Variants in PECAM1 observed in about 807,000 individuals in gnomAD.
PECAM1 encodes the protein platelet and endothelial cell adhesion molecule 1, also known as platelet endothelial cell adhesion molecule.
In PECAM1, 8 loss-of-function variants were observed where a neutral mutation model predicts 13.8. The ratio of observed to expected loss-of-function variants is 0.58; its 90% CI spans 0.34 to 1.05. The LOEUF (loss-of-function observed/expected upper bound fraction) is 1.05. Ranked by LOEUF, PECAM1 falls within the 50% of genes least tolerant of loss-of-function variation. The probability of loss-of-function intolerance (pLI) is 0.03; values close to 1 mark genes in which losing one functional copy is unlikely to be tolerated. For synonymous variants in PECAM1, 136 were observed against 52.6 expected (o/e 2.58, Z -6.86); for missense variants, 304 against 141.2 (o/e 2.15, Z -5.84).
chr17:64,363,437 G>A, intron 5 of PECAM1, 40 bp from the exon 6 acceptor site: 1 of 474,720 alleles, frequency 2.1e-6, no homozygotes, highest in East Asian at 3.1e-5. Flanking sequence ...GATGTGTCTG[G>A]CCACCACCCT....
At chr17:64,324,040 C>T (rs902655406) in intron 15 of PECAM1, 195 bp from the exon 16 acceptor site, 61 of 851,584 alleles carry the variant, frequency 7.2e-5, no homozygotes, top group East Asian at 3.5e-4. Context: ...TACAGATACA[C>T]GTGGCCCCTC....
chr17:64,337,429 C>T (rs2035307762), intron 14 of PECAM1, among the ~76,000 whole-genome samples: 1 of 152,170 alleles, frequency 6.6e-6, no homozygotes, highest in South Asian at 2.1e-4. Context: ...ATTAAGTGCT[C>T]ACTCTGTGGC....
At chr17:64,336,278 A>AAAGAAAG (rs1555647685) in intron 14 of PECAM1, among the ~76,000 whole-genome samples, 5 of 149,158 alleles carry the variant, frequency 3.4e-5, no homozygotes, top group African/African-American at 1.3e-4. Flanking sequence ...AAAAAAAAAA[A>AAAGAAAG]AAAGAAAGAA....
At chr17:64,330,078 C>G (rs1555646418) in intron 14 of PECAM1, among the ~76,000 whole-genome samples, 1 of 151,990 alleles carries the variant, frequency 6.6e-6, no homozygotes, top group African/African-American at 2.4e-5. Flanking sequence ...TCAGCTGGCA[C>G]TATCTCGGCT....
At chr17:64,354,498 T>A (rs2035805107) in intron 9 of PECAM1, among the ~76,000 whole-genome samples, 2 of 152,202 alleles carry the variant, frequency 1.3e-5, no homozygotes, top group Non-Finnish European at 2.9e-5. Flanking sequence ...TCTGCCCTTT[T>A]CCTTGAGTCT....
rs2035436985 is a variant in PECAM1 at position 64,341,769 on chromosome 17, G to A, written c.2108-79C>T. On this transcript the variant is annotated intron_variant, in intron 13 of 15. Coordinates refer to ENST00000563924, the MANE Select transcript of PECAM1 (RefSeq NM_000442.5). ...CCACTGCAGTCATAGGAAAAGGTCT[G>A]AGGCTCTGCAGGCAAGGCTGTACCC... 5 of 411,220 alleles carry A rather than the reference G, an allele frequency of 1.2e-5. No homozygotes were observed. The Admixed American group carries it at 2.2e-4, about 18-fold the overall frequency. 25.5% of individuals were successfully genotyped at this position (411,220 alleles called of 1,614,324 possible).
intron 6 of PECAM1, among the ~76,000 whole-genome samples, chr17:64,362,050 G>A (rs1429667544): frequency 6.6e-6 from 1 of 152,132 alleles, no homozygotes; most frequent in Non-Finnish European, 1.5e-5. Context: ...TTAAATGAAA[G>A]GATCGTGACT....
In PECAM1 at chr17:64,346,231, GTGCAGGAGCCACTGTTTCCTTTGAGCA is replaced by G. The variant is rs1202856994; in HGVS notation, c.2107+2002_2107+2028del. 3.3e-5 allele frequency among the ~76,000 whole-genome samples: 5 copies of G among 151,932 alleles called. No homozygotes were observed. The East Asian group carries it at 7.8e-4, about 24-fold the overall frequency. The stretch of plus-strand genomic sequence containing the variant: ...GGTTCTGAGACTGCTTCCTTTGAGC[GTGCAGGAGCCACTGTTTCCTTTGAGCA>G]TGCAGGAGTGTGCAGTGACCCCCGG... On this transcript the variant is annotated intron_variant, in intron 13 of 15. Transcript: ENST00000563924.
chr17:64,364,628 C>A (rs1177527020), intron 5 of PECAM1, among the ~76,000 whole-genome samples: 1 of 147,332 alleles, frequency 6.8e-6, no homozygotes, highest in African/African-American at 2.5e-5. Flanking sequence ...CCACCATGAT[C>A]AAGTGGGCTT....
At position 64,322,420 on chromosome 17, in the gene PECAM1, TTCTC is replaced by T; in HGVS notation, c.*1392_*1395del. ...AAAACAAAAACATAGACCTGCTCGG[TTCTC>T]TCTGTGACTTCAGAGGCCCAAGGAG... On this transcript the variant is annotated 3_prime_UTR_variant, in exon 16 of 16. Transcript: ENST00000563924. 1 of 986,292 alleles carries T rather than the reference TTCTC, an allele frequency of 1.0e-6. No homozygotes were observed. Among genetic ancestry groups the T allele is most frequent in the Non-Finnish European group, 1.2e-6 (1 of 830,506 alleles). 61.1% of individuals were successfully genotyped at this position (986,292 alleles called of 1,614,324 possible).
At position 64,356,202 on chromosome 17, in the gene PECAM1, G is replaced by T. The variant is rs2035842197; in HGVS notation, c.1689C>A (p.Ser563Arg). The T allele has an allele frequency of 6.3e-6, 3 of 474,744 alleles. No homozygotes were observed. The highest frequency in any genetic ancestry group is 6.0e-5 in the African/African-American group (3 of 50,348). 29.4% of individuals were successfully genotyped at this position (474,744 alleles called of 1,614,324 possible). Residue 563 changes from serine to arginine, a missense_variant, in exon 8 of 16, where the codon AGC becomes AGA. Physicochemically the swap from Ser to Arg is moderately radical, Grantham distance 110 (BLOSUM62 -1). Transcript: ENST00000563924. ...TQAFWTKQKA[S>R]KEQEGEYYCT... The stretch of plus-strand genomic sequence containing the variant: ...AGTAATACTCTCCCTCCTGTTCCTT[G>T]CTAGCCTTCTGCTTGGTCCAAAATG...
At chr17:64,350,812 C>T (rs1216245547) in intron 11 of PECAM1, among the ~76,000 whole-genome samples, 3 of 152,028 alleles carry the variant, frequency 2.0e-5, no homozygotes, top group African/African-American at 7.2e-5. Context: ...ATCCTCCCAC[C>T]TCAGCCTCCC....
At chr17:64,373,925 C>G (rs2036298669) in intron 4 of PECAM1, among the ~76,000 whole-genome samples, 1 of 152,130 alleles carries the variant, frequency 6.6e-6, no homozygotes. Flanking sequence ...GTCCTAGAGC[C>G]CTGTATGTCC....
At chr17:64,361,129 A>ATATGTGTGTGTG (rs1481740689) in intron 6 of PECAM1, among the ~76,000 whole-genome samples, 1 of 137,178 alleles carries the variant, frequency 7.3e-6, no homozygotes, top group Non-Finnish European at 1.5e-5. Context: ...CTGAGCATAT[A>ATATGTGTGTGTG]TGTGTGTGTG....
At chr17:64,371,472 G>A (rs1326769433) in intron 4 of PECAM1, among the ~76,000 whole-genome samples, 1 of 152,130 alleles carries the variant, frequency 6.6e-6, no homozygotes, top group Non-Finnish European at 1.5e-5. Context: ...AGGAGTTTAA[G>A]ACCAGCCTGG....
chr17:64,360,582 C>CTGTGTGTGTGTG (rs10589772), intron 6 of PECAM1, among the ~76,000 whole-genome samples, 167 bp from the exon 7 acceptor site: 1,817 of 139,438 alleles, frequency 0.013, 23 homozygotes, highest in Non-Finnish European at 0.016. Flanking sequence ...GACTGACAGG[C>CTGTGTGTGTGTG]TGTGTGTGTG....
chr17:64,377,752 T>A (rs1015962739), intron 3 of PECAM1, 72 bp downstream of exon 3: 19 of 471,290 alleles, frequency 4.0e-5, no homozygotes, highest in Non-Finnish European at 6.6e-5. Flanking sequence ...TCACTATTCA[T>A]TCACAGCTGT....
chr17:64,333,774 G>C (rs925947318), intron 14 of PECAM1, among the ~76,000 whole-genome samples: 2,575 of 151,560 alleles, frequency 0.017, 71 homozygotes, highest in African/African-American at 0.058. Context: ...CCTGGCCAAT[G>C]TGACGAAACC....
chr17:64,387,853 G>A (rs2036631364), intron 2 of PECAM1, among the ~76,000 whole-genome samples: 1 of 152,160 alleles, frequency 6.6e-6, no homozygotes, highest in Non-Finnish European at 1.5e-5. Flanking sequence ...AAGGGAAAGG[G>A]CCGAGGCTGT....
Sources: allele counts gnomAD v4.1 joint callset (sites outside exome capture counted in the v4.1 genomes callset), GRCh38; gene constraint gnomAD v4.1.1; transcripts MANE v1.5; gene names NCBI Gene and HGNC (gene_info 2026-07-23, HGNC 2026-07-21).